Variants in KCND2 observed in about 807,000 individuals in gnomAD.
KCND2 encodes the protein A-type voltage-gated potassium channel KCND2.
KCND2 carries 16 observed loss-of-function variants against 54.4 expected under a neutral mutation model. The ratio of observed to expected loss-of-function variants is 0.29; its 90% CI spans 0.20 to 0.45. The LOEUF is 0.45. Among genes scored for constraint, KCND2 ranks in the 20% least tolerant of loss-of-function variants. The probability of loss-of-function intolerance (pLI) is 1.00; values close to 1 mark genes in which losing one functional copy is unlikely to be tolerated. For synonymous variants in KCND2, 317 were observed against 310.7 expected, an observed-to-expected ratio of 1.02 and a Z score of -0.21; for missense variants, 486 against 824.2, an observed-to-expected ratio of 0.59 and a Z score of 5.02.
intron 1 of KCND2, among the ~76,000 whole-genome samples, chr7:120,696,444 T>C: frequency 6.6e-6 from 1 of 152,336 alleles, no homozygotes; most frequent in East Asian, 1.9e-4. Context: ...TGTACTGCCA[T>C]ACTAAATTTG....
chr7:120,728,084 A>C (rs1260329324), intron 1 of KCND2, among the ~76,000 whole-genome samples: 1 of 145,776 alleles, frequency 6.9e-6, no homozygotes, highest in African/African-American at 2.5e-5. Flanking sequence ...CAGTGAGCCG[A>C]GATGGCACCA....
chr7:120,481,242 T>C (rs976764917), intron 1 of KCND2, among the ~76,000 whole-genome samples: 3 of 152,206 alleles, frequency 2.0e-5, no homozygotes, highest in African/African-American at 7.2e-5. Context: ...TTAAGAATGA[T>C]GAACCGGGAT....
rs757922549 is a variant in KCND2 at position 120,742,546 on chromosome 7, G to C, written c.1411G>C (p.Gly471Arg). The C allele has an allele frequency of 5.6e-6, 9 of 1,613,386 alleles. No individual in the cohort carries two copies. In the African/African-American group the frequency reaches 1.2e-4, roughly 22 times the overall value. Reference protein sequence around the residue: ...EDEQAFVSKSGSSFETQHHHL... With the variant: ...EDEQAFVSKSRSSFETQHHHL... ...TGAGCAGGCTTTTGTTAGCAAATCC[G>C]GCTCCAGCTTTGAAACCCAGCACCA... is the stretch of plus-strand genomic sequence containing the variant. Residue 471 changes from glycine (G) to arginine (R), a missense_variant, in exon 4 of 6, where the codon GGC becomes CGC. Gly to Arg is a moderately radical substitution (Grantham distance 125). Coordinates refer to ENST00000331113, the MANE Select transcript of KCND2 (RefSeq NM_012281.3).
intron 1 of KCND2, among the ~76,000 whole-genome samples, chr7:120,332,174 A>G (rs1800079199): frequency 6.6e-6 from 1 of 152,070 alleles, no homozygotes; most frequent in Admixed American, 6.5e-5. Flanking sequence ...AAGTTAAGCA[A>G]ATTAGCTTCT....
intron 1 of KCND2, among the ~76,000 whole-genome samples, chr7:120,400,315 A>G (rs1162399273): frequency 1.3e-5 from 2 of 152,158 alleles, no homozygotes; most frequent in African/African-American, 2.4e-5. Context: ...TAAAAAATGT[A>G]TTTTATGACT....
At chr7:120,661,082 A>T (rs189569756) in intron 1 of KCND2, among the ~76,000 whole-genome samples, 1 of 152,190 alleles carries the variant, frequency 6.6e-6, no homozygotes, top group African/African-American at 2.4e-5. Context: ...AATAGTGAAC[A>T]TCATACCCAA....
At chr7:120,598,445 C>T (rs992900042) in intron 1 of KCND2, among the ~76,000 whole-genome samples, 85 of 151,956 alleles carry the variant, frequency 5.6e-4, no homozygotes, top group African/African-American at 2.0e-3. Context: ...TGGTATATTT[C>T]ATTTAATAAA....
At chr7:120,732,423 G>C (rs992258556) in intron 1 of KCND2, among the ~76,000 whole-genome samples, 1 of 152,152 alleles carries the variant, frequency 6.6e-6, no homozygotes, top group Non-Finnish European at 1.5e-5. Flanking sequence ...GGTTAATGGG[G>C]ACCTTGAAAA....
At chr7:120,453,349 C>A (rs1802144113) in intron 1 of KCND2, among the ~76,000 whole-genome samples, 1 of 152,196 alleles carries the variant, frequency 6.6e-6, no homozygotes, top group African/African-American at 2.4e-5. Context: ...ACCCTGTCCC[C>A]TCTCCTCACT....
intron 1 of KCND2, among the ~76,000 whole-genome samples, chr7:120,670,063 C>T (rs1791973294): frequency 6.6e-6 from 1 of 151,954 alleles, no homozygotes; most frequent in African/African-American, 2.4e-5. Context: ...GTACACTGCT[C>T]AGGATAAGGG....
chr7:120,496,362 C>T (rs1473724253), intron 1 of KCND2, among the ~76,000 whole-genome samples: 1 of 151,970 alleles, frequency 6.6e-6, no homozygotes, highest in Non-Finnish European at 1.5e-5. Context: ...CTCCAGGTTG[C>T]ACCAATGTGG....
intron 1 of KCND2, among the ~76,000 whole-genome samples, chr7:120,566,003 CA>C (rs1792292495): frequency 6.6e-6 from 1 of 152,182 alleles, no homozygotes; most frequent in African/African-American, 2.4e-5. Flanking sequence ...TCCCAGACCA[CA>C]ACGCCTATCT....
chr7:120,680,341 A>T (rs1435001677), intron 1 of KCND2, among the ~76,000 whole-genome samples: 1 of 152,184 alleles, frequency 6.6e-6, no homozygotes, highest in Middle Eastern at 3.4e-3. Flanking sequence ...ACTCATCACT[A>T]TCTGCCTTGT....
intron 1 of KCND2, among the ~76,000 whole-genome samples, chr7:120,472,141 A>G (rs1267880702): frequency 6.6e-6 from 1 of 151,856 alleles, no homozygotes; most frequent in East Asian, 2.0e-4. Context: ...CTGAGGATAT[A>G]TAGTTGGAAT....
At chr7:120,384,716 A>T (rs2116035992) in intron 1 of KCND2, among the ~76,000 whole-genome samples, 1 of 152,292 alleles carries the variant, frequency 6.6e-6, no homozygotes, top group East Asian at 1.9e-4. Flanking sequence ...TTGAAAATAA[A>T]ACCCTCAACT....
chr7:120,387,062 A>G (rs1800999492), intron 1 of KCND2, among the ~76,000 whole-genome samples: 1 of 152,012 alleles, frequency 6.6e-6, no homozygotes, highest in Non-Finnish European at 1.5e-5. Flanking sequence ...CTGATTTGTT[A>G]TTTTGTTTAT....
At chr7:120,499,265 A>G (rs978185522) in intron 1 of KCND2, among the ~76,000 whole-genome samples, 3 of 152,200 alleles carry the variant, frequency 2.0e-5, no homozygotes, top group Non-Finnish European at 4.4e-5. Flanking sequence ...GAAATTAATG[A>G]GTATTCAAAA....
chr7:120,736,703 A>T (rs1792875532), intron 2 of KCND2, among the ~76,000 whole-genome samples: 1 of 151,352 alleles, frequency 6.6e-6, no homozygotes, highest in African/African-American at 2.4e-5. Flanking sequence ...CAGGTGTTTT[A>T]TATCTGTTTT....
chr7:120,696,986 T>A (rs1792340383), intron 1 of KCND2, among the ~76,000 whole-genome samples: 1 of 152,252 alleles, frequency 6.6e-6, no homozygotes. Context: ...TCCATATATC[T>A]GCAAATAACG....
Sources: gnomAD v4.1 joint callset for allele counts (sites outside exome capture counted in the v4.1 genomes callset) on GRCh38, gnomAD v4.1.1 for gene constraint, MANE v1.5 for transcripts, NCBI Gene and HGNC (gene_info 2026-07-23, HGNC 2026-07-21) for gene names.